STAG1: variants seen among roughly 807,000 people sequenced by gnomAD.
STAG1 encodes the protein STAG1 cohesin complex component.
STAG1 carries 26 observed loss-of-function variants against 170.9 expected under a neutral mutation model. The ratio of observed to expected loss-of-function variants is 0.15; its 90% CI spans 0.11 to 0.21. The LOEUF is 0.21. Among genes scored for constraint, STAG1 ranks in the 10% least tolerant of loss-of-function variants. The pLI is 1.00. For missense variants in STAG1, 964 were observed against 1,509.5 expected, an observed-to-expected ratio of 0.64 and a Z score of 5.99; for synonymous variants, 514 against 497.7, an observed-to-expected ratio of 1.03 and a Z score of -0.44.
At chr3:136,611,658 CTTTTTTTTTTTTTTT>C (rs760493827) in intron 3 of STAG1, among the ~76,000 whole-genome samples, 1 of 72,568 alleles carries the variant, frequency 1.4e-5, no homozygotes, top group African/African-American at 5.9e-5. Flanking sequence ...CCACACCCAG[CTTTTTTTTTTTTTTT>C]TTTTTTTTTT....
chr3:136,742,277 C>T (rs1270302254), intron 1 of STAG1, among the ~76,000 whole-genome samples: 1 of 152,088 alleles, frequency 6.6e-6, no homozygotes, highest in East Asian at 1.9e-4. Flanking sequence ...ATAAAAGATA[C>T]ATTAACCAAG....
chr3:136,647,415 C>G (rs1374656135), intron 1 of STAG1, among the ~76,000 whole-genome samples: 2 of 151,994 alleles, frequency 1.3e-5, no homozygotes, highest in Non-Finnish European at 2.9e-5. Flanking sequence ...ACTAAAAATA[C>G]AAAATTAGCC....
intron 4 of STAG1, among the ~76,000 whole-genome samples, chr3:136,599,144 G>A (rs1171885960): frequency 2.6e-5 from 4 of 152,086 alleles, no homozygotes. Context: ...TATGTTCATT[G>A]CAGCACTATT....
At chr3:136,393,929 G>A (rs2087078366) in intron 22 of STAG1, among the ~76,000 whole-genome samples, 1 of 151,906 alleles carries the variant, frequency 6.6e-6, no homozygotes, top group Non-Finnish European at 1.5e-5. Context: ...TTGAGACGGA[G>A]TCTCGCTCTG....
intron 10 of STAG1, among the ~76,000 whole-genome samples, chr3:136,476,928 T>A (rs950051646): frequency 1.3e-5 from 2 of 152,126 alleles, no homozygotes; most frequent in Admixed American, 6.5e-5. Flanking sequence ...TATGATATGG[T>A]CCTAGAAAAT....
intron 6 of STAG1, among the ~76,000 whole-genome samples, chr3:136,523,746 T>C (rs952390362): frequency 6.6e-6 from 1 of 152,254 alleles, no homozygotes; most frequent in South Asian, 2.1e-4. Context: ...TGTAAGTCTT[T>C]AATTCATCTT....
At chr3:136,601,809 C>A (rs1460154677) in intron 4 of STAG1, among the ~76,000 whole-genome samples, 1 of 151,614 alleles carries the variant, frequency 6.6e-6, no homozygotes, top group East Asian at 1.9e-4. Context: ...GTACTTCAGC[C>A]TGGCTAATAG....
intron 1 of STAG1, among the ~76,000 whole-genome samples, chr3:136,702,117 G>GAGAGAGAC (rs1943093991): frequency 2.8e-5 from 2 of 71,746 alleles, no homozygotes; most frequent in African/African-American, 5.9e-5. Context: ...GAGAGAGAGA[G>GAGAGAGAC]AGAGACAGAG....
At chr3:136,391,463 G>A (rs376360643) in intron 22 of STAG1, among the ~76,000 whole-genome samples, 3 of 145,038 alleles carry the variant, frequency 2.1e-5, no homozygotes, top group East Asian at 4.2e-4. Flanking sequence ...TGCAACCTCC[G>A]CCTCCTGGGT....
At chr3:136,657,759 T>C (rs570210094) in intron 1 of STAG1, among the ~76,000 whole-genome samples, 8 of 152,216 alleles carry the variant, frequency 5.3e-5, no homozygotes, top group African/African-American at 1.7e-4. Context: ...AAGGCACAGG[T>C]TGCAGTGAGC....
At chr3:136,364,523 G>A (rs899724511) in intron 25 of STAG1, among the ~76,000 whole-genome samples, 2 of 151,846 alleles carry the variant, frequency 1.3e-5, no homozygotes, top group Non-Finnish European at 2.9e-5. Context: ...TAAATAGGGG[G>A]AAGGGGGGAT....
intron 4 of STAG1, among the ~76,000 whole-genome samples, chr3:136,570,600 T>A (rs117006907): frequency 6.6e-6 from 1 of 152,328 alleles, no homozygotes; most frequent in East Asian, 1.9e-4. Context: ...TAGTAGATAA[T>A]GCCAAACAAT....
chr3:136,462,234 T>C (rs1429529408), intron 13 of STAG1, among the ~76,000 whole-genome samples: 5 of 152,190 alleles, frequency 3.3e-5, no homozygotes, highest in Admixed American at 6.5e-5. Context: ...CAAAGAGATA[T>C]CTGCACTGCC....
chr3:136,348,927 C>A, intron 29 of STAG1: 2 of 520,704 alleles, frequency 3.8e-6, no homozygotes, highest in Non-Finnish European at 6.9e-6. Context: ...TAATTTTTTC[C>A]TCTTTTGGGC....
chr3:136,338,422 G>A lies in STAG1; in HGVS notation c.3701C>T (p.Ala1234Val). Residue 1234 changes from alanine (A) to valine (V), a missense_variant, in exon 33 of 34, where the codon GCT becomes GTT. Ala to Val is a moderately conservative substitution (Grantham distance 64). Around this residue, in one of 11 missense-constraint regions of STAG1, gnomAD observed 59 missense variants for 104.2 expected, o/e 0.57. Transcript: ENST00000383202. Reference protein sequence around the residue: ...LPPSRNRRERAELRPDFFDSA... With the variant: ...LPPSRNRRERVELRPDFFDSA... The stretch of plus-strand genomic sequence containing the variant: ...GTCAAAGAAGTCTGGCCTTAGCTCA[G>A]CTCTCTCTCGCCGATTTCTTGATGG... The A allele has an allele frequency of 6.2e-7, 1 of 1,613,934 alleles. No individual in the cohort carries two copies. Among genetic ancestry groups the A allele is most frequent in the African/African-American group, 1.3e-5 (1 of 75,034 alleles).
intron 11 of STAG1, among the ~76,000 whole-genome samples, chr3:136,472,793 T>A (rs2089659031): frequency 6.6e-6 from 1 of 152,226 alleles, no homozygotes. Flanking sequence ...AGGTAAGCCT[T>A]CTTCCAAAGG....
intron 20 of STAG1, among the ~76,000 whole-genome samples, chr3:136,418,661 A>T (rs77442162): frequency 1.3e-5 from 2 of 151,738 alleles, no homozygotes; most frequent in East Asian, 3.9e-4. Flanking sequence ...TTTTTTTAAA[A>T]GACAGGGTCT....
At chr3:136,571,416 A>G (rs1197235583) in intron 4 of STAG1, among the ~76,000 whole-genome samples, 2 of 152,032 alleles carry the variant, frequency 1.3e-5, no homozygotes, top group Admixed American at 6.6e-5. Flanking sequence ...AAAAATTACA[A>G]AAATTAGCTA....
intron 7 of STAG1, among the ~76,000 whole-genome samples, chr3:136,503,800 A>G (rs956818287): frequency 1.2e-4 from 18 of 151,968 alleles, no homozygotes; most frequent in African/African-American, 4.1e-4. Flanking sequence ...CAATGGCGCA[A>G]TCTTGGCTTA....
Sources: gnomAD v4.1 joint callset for allele counts (sites outside exome capture counted in the v4.1 genomes callset) on GRCh38, gnomAD v4.1.1 for gene constraint, gnomAD v4.1.1 regional missense constraint, MANE v1.5 for transcripts, NCBI Gene and HGNC (gene_info 2026-07-23, HGNC 2026-07-21) for gene names.